ANKRD36: variants seen among roughly 807,000 people sequenced by gnomAD.
The protein encoded by ANKRD36 is ankyrin repeat domain 36.
Under a neutral mutation model 278.1 loss-of-function variants are expected in ANKRD36, and 179 were observed. That is an observed-to-expected ratio of 0.64 (90% CI 0.57 to 0.73). The LOEUF (loss-of-function observed/expected upper bound fraction) is 0.73, where lower values mean the gene tolerates loss of function less well. Among genes scored for constraint, ANKRD36 ranks in the 30% least tolerant of loss-of-function variants. The probability of loss-of-function intolerance (pLI) is 0.00; values close to 1 mark genes in which losing one functional copy is unlikely to be tolerated. For missense variants in ANKRD36, 1,159 were observed against 1,956.7 expected, an observed-to-expected ratio of 0.59 and a Z score of 7.69; for synonymous variants, 320 against 641.1, an observed-to-expected ratio of 0.50 and a Z score of 7.57.
intron 1 of ANKRD36, among the ~76,000 whole-genome samples, chr2:97,116,479 G>A (rs1200976390): frequency 6.6e-6 from 1 of 151,946 alleles, no homozygotes; most frequent in Non-Finnish European, 1.5e-5. Context: ...TCACCATGTT[G>A]GCCAGGCTGG....
Position 97,187,339 on chromosome 2 carries a change from A to T in ANKRD36, c.2081A>T (p.Asp694Val). 6.2e-7 allele frequency: 1 copy of T among 1,608,002 alleles called. No homozygotes were observed. The highest frequency in any genetic ancestry group is 8.5e-7 in the Non-Finnish European group (1 of 1,177,430). Reference protein sequence around the residue: ...QKQPALKATTDEEDSVSNIAT... With the variant: ...QKQPALKATTVEEDSVSNIAT... ...TCAAATTCCATTCAGGCTACAACTG[A>T]CGAGGAAGACTCTGTTTCGAATATA... Residue 694 changes from aspartate to valine, a missense_variant, in exon 32 of 76, where the codon GAC becomes GTC. Physicochemically the swap from Asp to Val is radical, Grantham distance 152 (BLOSUM62 -3). Coordinates refer to ENST00000420699, the MANE Select transcript of ANKRD36 (RefSeq NM_001354587.1).
intron 16 of ANKRD36, 123 bp from the exon 17 acceptor site, chr2:97,158,465 G>A (rs1366549084): frequency 5.3e-6 from 5 of 942,522 alleles, no homozygotes; most frequent in African/African-American, 1.7e-5. Context: ...GACCTCATAT[G>A]ATCTGCCTGC....
chr2:97,212,734 A>T (rs1331740510), intron 58 of ANKRD36: 1 of 156,396 alleles, frequency 6.4e-6, no homozygotes, highest in Non-Finnish European at 1.4e-5. Flanking sequence ...TGATATTTTT[A>T]TTGAGGCTAA....
intron 32 of ANKRD36, among the ~76,000 whole-genome samples, chr2:97,187,718 A>C (rs2057733816): frequency 6.6e-6 from 1 of 151,856 alleles, no homozygotes; most frequent in South Asian, 2.1e-4. Context: ...TGGTTTCACT[A>C]AGGTGAAAGG....
At chr2:97,183,804 G>T (rs1204679080) in intron 28 of ANKRD36, 150 bp downstream of exon 28, 3 of 1,099,268 alleles carry the variant, frequency 2.7e-6, no homozygotes, top group Non-Finnish European at 3.9e-6. Flanking sequence ...GTCAGGTGGT[G>T]CTGATGCTGC....
chr2:97,222,994 G>A (rs1367184552), intron 66 of ANKRD36, among the ~76,000 whole-genome samples: 15 of 151,904 alleles, frequency 9.9e-5, no homozygotes, highest in Non-Finnish European at 2.1e-4. Flanking sequence ...AATAATCAGT[G>A]AACGTTGCAC....
intron 5 of ANKRD36, among the ~76,000 whole-genome samples, chr2:97,125,079 A>G (rs1230179265): frequency 2.6e-5 from 4 of 151,640 alleles, no homozygotes; most frequent in Non-Finnish European, 5.9e-5. Context: ...ATCAGTGTCT[A>G]CAAGTCAGAA....
intron 58 of ANKRD36, chr2:97,213,125 C>CA (rs2065105618): frequency 2.6e-6 from 1 of 384,854 alleles, no homozygotes; most frequent in African/African-American, 2.1e-5. Flanking sequence ...TTTTAGATCA[C>CA]ATTTGTCCTC....
chr2:97,178,819 A>C (rs2055210016), intron 22 of ANKRD36, among the ~76,000 whole-genome samples: 1 of 151,738 alleles, frequency 6.6e-6, no homozygotes, highest in African/African-American at 2.4e-5. Flanking sequence ...CCTAAAACTT[A>C]AAGTATAATA....
At chr2:97,146,620 A>G (rs979016267) in intron 11 of ANKRD36, 104 bp downstream of exon 11, 82 of 1,089,464 alleles carry the variant, frequency 7.5e-5, no homozygotes, top group Non-Finnish European at 9.7e-5. Context: ...ACACCATATT[A>G]CATGCTTAAT....
At chr2:97,179,288 A>G (rs141009783) in intron 22 of ANKRD36, among the ~76,000 whole-genome samples, 4 of 151,256 alleles carry the variant, frequency 2.6e-5, no homozygotes, top group South Asian at 2.1e-4. Flanking sequence ...TCACTGATCA[A>G]TCAAGTTAAA....
chr2:97,133,282 C>T (rs963557393), intron 6 of ANKRD36, among the ~76,000 whole-genome samples: 3 of 151,466 alleles, frequency 2.0e-5, no homozygotes, highest in East Asian at 2.0e-4. Flanking sequence ...ATTTCATTTG[C>T]GTCAGTTGCA....
intron 8 of ANKRD36, among the ~76,000 whole-genome samples, chr2:97,144,316 AG>A (rs1391188490): frequency 6.6e-6 from 1 of 152,252 alleles, no homozygotes; most frequent in Non-Finnish European, 1.5e-5. Flanking sequence ...TGAAATTGGA[AG>A]TGTTTGTTGC....
At chr2:97,161,511 T>C (rs2048877640) in intron 17 of ANKRD36, among the ~76,000 whole-genome samples, 2 of 152,118 alleles carry the variant, frequency 1.3e-5, no homozygotes, top group South Asian at 4.2e-4. Flanking sequence ...GTATATGTCT[T>C]TCAGGGTGAC....
In ANKRD36 at chr2:97,113,552, G is replaced by A. The variant is rs904649342; in HGVS notation, c.-188G>A. 4.9e-5 allele frequency: 33 copies of A among 674,550 alleles called. No homozygotes were observed. The highest frequency in any genetic ancestry group is 5.6e-5 in the Non-Finnish European group (23 of 409,286). The allele number at this position is 674,550 out of a possible 1,614,324, so 41.8% of individuals were successfully genotyped here. A position where few individuals can be genotyped will look rare whatever the true frequency, so the allele number is the denominator to read the frequency against. On this transcript the variant is annotated 5_prime_UTR_variant, in exon 1 of 76. Transcript: ENST00000420699. ...TGCCTCGGGCCTGTTGGGCAGGGCC[G>A]GCTAAGGTGCGCGTGCTCGCTGGTT...
intron 5 of ANKRD36, among the ~76,000 whole-genome samples, chr2:97,125,230 A>G (rs914272269): frequency 2.0e-5 from 3 of 151,516 alleles, no homozygotes; most frequent in South Asian, 2.1e-4. Flanking sequence ...ACATCCCTCA[A>G]TCTTCATGTT....
chr2:97,221,794 T>G (rs1191059358), intron 66 of ANKRD36, among the ~76,000 whole-genome samples: 12 of 147,512 alleles, frequency 8.1e-5, no homozygotes, highest in Non-Finnish European at 8.9e-5. Flanking sequence ...TAGATCCCAT[T>G]TGTCAATTTT....
intron 36 of ANKRD36, 40 bp downstream of exon 36, chr2:97,191,221 G>A (rs930135002): frequency 8.5e-6 from 13 of 1,522,944 alleles, no homozygotes; most frequent in Non-Finnish European, 1.1e-5. Flanking sequence ...ATTCAGTCCA[G>A]ATAGATAAGA....
intron 6 of ANKRD36, among the ~76,000 whole-genome samples, chr2:97,132,790 AG>A (rs2040505172): frequency 6.6e-6 from 1 of 152,058 alleles, no homozygotes; most frequent in African/African-American, 2.4e-5. Flanking sequence ...TGGGGAAGCC[AG>A]GCACAAGCTT....
Sources: gnomAD v4.1 joint callset for allele counts (sites outside exome capture counted in the v4.1 genomes callset) on GRCh38, gnomAD v4.1.1 for gene constraint, MANE v1.5 for transcripts, NCBI Gene and HGNC (gene_info 2026-07-23, HGNC 2026-07-21) for gene names.